RNF126: variants seen among roughly 807,000 people sequenced by gnomAD.
RNF126 encodes ring finger protein 126.
In RNF126, 20 loss-of-function variants were observed where a neutral mutation model predicts 41.9. That is an observed-to-expected ratio of 0.48 (90% CI 0.34 to 0.69). The LOEUF (loss-of-function observed/expected upper bound fraction) is 0.69, where lower values mean the gene tolerates loss of function less well. RNF126 is among the 30% of genes least tolerant of loss of function. The probability of loss-of-function intolerance (pLI) is 0.01; values close to 1 mark genes in which losing one functional copy is unlikely to be tolerated. For missense variants in RNF126, 433 were observed against 460.6 expected, an observed-to-expected ratio of 0.94 and a Z score of 0.55; for synonymous variants, 239 against 202.9, an observed-to-expected ratio of 1.18 and a Z score of -1.51.
At chr19:653,129 C>T (rs932911219) in intron 1 of RNF126, among the ~76,000 whole-genome samples, 4 of 149,858 alleles carry the variant, frequency 2.7e-5, no homozygotes, top group Non-Finnish European at 4.5e-5. Context: ...CCCACCGTGA[C>T]GGGCGTCACC....
At position 647,897 on chromosome 19, in the gene RNF126, A is replaced by G; in HGVS notation, c.*231T>C. 1.5e-6 allele frequency: 1 copy of G among 645,264 alleles called. No homozygotes were observed. The highest frequency in any genetic ancestry group is 2.8e-6 in the Non-Finnish European group (1 of 361,596). The allele number at this position is 645,264 out of a possible 1,614,324, so 40.0% of individuals were successfully genotyped here. ...CGCTGAACGTTTAGAGGGTGAGGTT[A>G]GACAGAGGACGGGGAGGCTGGGGAC... is the stretch of plus-strand genomic sequence containing the variant. On this transcript the variant is annotated 3_prime_UTR_variant, in exon 9 of 9. Coordinates refer to ENST00000292363, the MANE Select transcript of RNF126 (RefSeq NM_194460.3).
intron 1 of RNF126, among the ~76,000 whole-genome samples, chr19:658,126 G>A (rs969616670): frequency 4.6e-5 from 7 of 151,994 alleles, no homozygotes; most frequent in Non-Finnish European, 7.4e-5. Context: ...ACGATCACCC[G>A]GCATCATCAC....
At chr19:652,966 C>T in intron 1 of RNF126, 82 bp from the exon 2 acceptor site, 1 of 1,321,334 alleles carries the variant, frequency 7.6e-7, no homozygotes, top group Non-Finnish European at 1.1e-6. Flanking sequence ...CAGAGGGGCT[C>T]CGGACCCAGC....
At chr19:660,419 C>T (rs560291772) in intron 1 of RNF126, among the ~76,000 whole-genome samples, 19 of 152,214 alleles carry the variant, frequency 1.2e-4, no homozygotes, top group African/African-American at 4.6e-4. Context: ...GCCAGTCCCC[C>T]CTGCGTCAGA....
intron 1 of RNF126, among the ~76,000 whole-genome samples, chr19:660,176 C>T (rs778045663): frequency 3.9e-5 from 6 of 152,244 alleles, no homozygotes; most frequent in Admixed American, 6.5e-5. Context: ...ACCAGGAGAG[C>T]GGCCAGGTGC....
chr19:660,235 G>A (rs544891128), intron 1 of RNF126, among the ~76,000 whole-genome samples: 2 of 152,360 alleles, frequency 1.3e-5, no homozygotes, highest in East Asian at 1.9e-4. Flanking sequence ...GGAGCGAATC[G>A]CATCACTAAA....
intron 1 of RNF126, among the ~76,000 whole-genome samples, chr19:656,327 T>C (rs1385604182): frequency 6.6e-6 from 1 of 150,596 alleles, no homozygotes; most frequent in Non-Finnish European, 1.5e-5. Flanking sequence ...TGAGGCAGCA[T>C]CTCAAAAACA....
chr19:649,567 C>T, intron 6 of RNF126, 112 bp downstream of exon 6: 2 of 814,204 alleles, frequency 2.5e-6, no homozygotes, highest in South Asian at 1.6e-5. Flanking sequence ...GCTGTGCCCG[C>T]ATCCCCTTTG....
chr19:648,131 C>A lies in RNF126; in HGVS notation c.933G>T (p.Ser311=), dbSNP rs771923167. The change falls in exon 9 of 9, where the codon TCG becomes TCT. Residue 311 remains serine, a synonymous_variant. Transcript: ENST00000292363. ...SPSNENATSN[S] ...TTTCCCGACGGCCGACGTGGGCTCACGAGTTGCTTGTGGCGTTCTCGTTGC... is the reference window on the plus strand; with the variant it reads ...TTTCCCGACGGCCGACGTGGGCTCAAGAGTTGCTTGTGGCGTTCTCGTTGC... 29 of 1,582,026 alleles carry A rather than the reference C, an allele frequency of 1.8e-5. No homozygotes were observed. In the South Asian group the frequency reaches 2.2e-4, roughly 12 times the overall value.
intron 1 of RNF126, among the ~76,000 whole-genome samples, chr19:662,361 G>A (rs1050788750): frequency 1.3e-5 from 2 of 152,206 alleles, no homozygotes; most frequent in African/African-American, 4.8e-5. Flanking sequence ...TTCGGTGAGG[G>A]GCGGCTGTAA....
Position 652,830 on chromosome 19 carries a change from T to C in RNF126, c.130A>G (p.Thr44Ala), listed in dbSNP as rs2030385163. Reference protein sequence around the residue: ...SGFIEELPEETRSTENGSAPS... With the variant: ...SGFIEELPEEARSTENGSAPS... ...TTCAACAGGGGGCTGCATTACCTGG[T>C]CTCTTCCGGAAGCTCCTCGATAAAA... The change falls in exon 2 of 9, where the codon ACC becomes GCC. Residue 44 changes from threonine (T) to alanine (A), a missense_variant. Coordinates refer to ENST00000292363, the MANE Select transcript of RNF126 (RefSeq NM_194460.3). The C allele has an allele frequency of 1.9e-6, 3 of 1,612,760 alleles. No individual in the cohort carries two copies. Among genetic ancestry groups the C allele is most frequent in the Admixed American group, 1.7e-5 (1 of 59,920 alleles).
chr19:660,520 C>G (rs2030754537), intron 1 of RNF126, among the ~76,000 whole-genome samples: 2 of 152,368 alleles, frequency 1.3e-5, no homozygotes, highest in Admixed American at 6.5e-5. Context: ...TCCCCAGCGG[C>G]AGAGACGCCC....
intron 4 of RNF126, 96 bp from the exon 5 acceptor site, chr19:650,392 C>G (rs1308423498): frequency 2.0e-6 from 2 of 1,008,730 alleles, no homozygotes; most frequent in African/African-American, 1.6e-5. Flanking sequence ...AGGGCAGGGC[C>G]AGCATCAGCT....
chr19:648,096 G>C lies in RNF126; in HGVS notation c.*32C>G. The C allele has an allele frequency of 6.5e-7, 1 of 1,531,088 alleles. No individual in the cohort carries two copies. The highest frequency in any genetic ancestry group is 1.4e-5 in the African/African-American group (1 of 73,184). 94.8% of individuals were successfully genotyped at this position (1,531,088 alleles called of 1,614,324 possible). ...GCGCTGGCTGAGGGTGGGTGGGAAA[G>C]GCCCCGTGCTTTCCCGACGGCCGAC... On this transcript the variant is annotated 3_prime_UTR_variant, in exon 9 of 9. Transcript: ENST00000292363.
chr19:659,530 G>A lies in RNF126; in HGVS notation c.75+3517C>T, dbSNP rs902682463. Among the ~76,000 whole-genome samples, 2 of 152,128 alleles carry A rather than the reference G, an allele frequency of 1.3e-5. No homozygotes were observed. The highest frequency in any genetic ancestry group is 1.3e-4 in the Admixed American group (2 of 15,286). On this transcript the variant is annotated intron_variant, in intron 1 of 8. Transcript: ENST00000292363. The surrounding 1 kb of genome is among the most constrained non-coding windows in gnomAD (Gnocchi z 4.9). ...GGGAGGTCAGGGGCAAGGACGGCAC[G>A]CAGGGCCACCTCCCTGCGCCCGCCT... is the stretch of plus-strand genomic sequence containing the variant.
At chr19:649,981 G>A (rs1373700713) in intron 5 of RNF126, among the ~76,000 whole-genome samples, 1 of 148,436 alleles carries the variant, frequency 6.7e-6, no homozygotes, top group African/African-American at 2.5e-5. Flanking sequence ...TGGGGATGGG[G>A]ACAGGCACCC....
chr19:652,163 G>A (rs2030335932), intron 3 of RNF126, 70 bp downstream of exon 3: 3 of 1,280,248 alleles, frequency 2.3e-6, no homozygotes, highest in Admixed American at 3.2e-5. Flanking sequence ...GGCGAGGTGG[G>A]GACAGGCTGG....
At chr19:648,856 C>A in intron 7 of RNF126, 26 bp downstream of exon 7, 1 of 1,363,464 alleles carries the variant, frequency 7.3e-7, no homozygotes. Flanking sequence ...GTAATTCCCA[C>A]TACTCGGGAG....
chr19:663,069 A>G lies in RNF126; in HGVS notation c.53T>C (p.Val18Ala). ...CACCGGCAGGCGCGGGACGATCTCC[A>G]CGGAGCAGCAGTGGCAGAAGTACCG... The part of the protein sequence containing the change: ...PGRYFCHCCS[V>A]EIVPRLPDYI... The change falls in exon 1 of 9, where the codon GTG becomes GCG. Residue 18 changes from valine to alanine, a missense_variant. Physicochemically the swap from Val to Ala is moderately conservative, Grantham distance 64. Transcript: ENST00000292363. 7.3e-7 allele frequency: 1 copy of G among 1,378,304 alleles called. No individual in the cohort carries two copies. Among genetic ancestry groups the G allele is most frequent in the East Asian group, 3.3e-5 (1 of 30,336 alleles). The allele number at this position is 1,378,304 out of a possible 1,614,324, so 85.4% of individuals were successfully genotyped here. A position where few individuals can be genotyped will look rare whatever the true frequency, so the allele number is the denominator to read the frequency against.
Sources: gnomAD v4.1 joint callset for allele counts (sites outside exome capture counted in the v4.1 genomes callset) on GRCh38, gnomAD v4.1.1 for gene constraint, Gnocchi (gnomAD v3.1) non-coding constraint, MANE v1.5 for transcripts, NCBI Gene and HGNC (gene_info 2026-07-23, HGNC 2026-07-21) for gene names.